Variants in PARD3 observed in about 807,000 individuals in gnomAD.
The protein encoded by PARD3 is partitioning defective 3 homolog.
Under a neutral mutation model 155.4 loss-of-function variants are expected in PARD3, and 75 were observed. The observed-to-expected ratio is 0.48, with a 90% CI of 0.40 to 0.58. PARD3 has a LOEUF of 0.58. PARD3 is among the 20% of genes least tolerant of loss of function. The pLI is 0.00. For missense variants in PARD3, 1,642 were observed against 1,721.7 expected (o/e 0.95, Z 0.82); for synonymous variants, 576 against 610.5 (o/e 0.94, Z 0.83).
At chr10:34,529,741 C>CT (rs34318724) in intron 2 of PARD3, among the ~76,000 whole-genome samples, 44,404 of 149,784 alleles carry the variant, frequency 0.3, 7,005 homozygotes, top group South Asian at 0.4. Context: ...TTTTACTTTA[C>CT]TTTTTTTTTT....
intron 1 of PARD3, among the ~76,000 whole-genome samples, chr10:34,744,594 GC>G (rs1835073007): frequency 6.6e-6 from 1 of 152,150 alleles, no homozygotes; most frequent in Admixed American, 6.6e-5. Flanking sequence ...AAATTACTTG[GC>G]TTTGATAACT....
In PARD3 at chr10:34,674,840, C is replaced by T. The variant is rs189267134; in HGVS notation, c.222+21478G>A. On this transcript the variant is annotated intron_variant, in intron 2 of 24. Coordinates refer to ENST00000374788, the MANE Select transcript of PARD3 (RefSeq NM_001184785.2). ...GCCAAGAACCTTCCCGGTCTAAGCC[C>T]AATTTTGGGGCTTACCTGCCCTGCA... Among the ~76,000 whole-genome samples, 1,401 of 152,212 alleles carry T rather than the reference C, an allele frequency of 9.2e-3. 9 individuals carry two copies. Among genetic ancestry groups the T allele is most frequent in the Non-Finnish European group, 0.014 (924 of 68,002 alleles).
chr10:34,645,098 T>A (rs1479002479), intron 2 of PARD3, among the ~76,000 whole-genome samples: 1 of 152,106 alleles, frequency 6.6e-6, no homozygotes, highest in Non-Finnish European at 1.5e-5. Flanking sequence ...AATGATCCTC[T>A]CGCCTTGGCC....
At chr10:34,345,766 C>T in intron 15 of PARD3, 2 of 985,390 alleles carry the variant, frequency 2.0e-6, no homozygotes, top group Non-Finnish European at 2.4e-6. Flanking sequence ...TTTGGGCATT[C>T]TCTTGCAAGG....
intron 2 of PARD3, among the ~76,000 whole-genome samples, chr10:34,586,540 TA>T (rs1352706493): frequency 6.6e-5 from 10 of 152,220 alleles, no homozygotes; most frequent in African/African-American, 2.4e-4. Context: ...AAGAACACTA[TA>T]GGGGGAAAAA....
chr10:34,162,497 TGTGA>T (rs1391401577), intron 22 of PARD3, among the ~76,000 whole-genome samples: 3 of 152,246 alleles, frequency 2.0e-5, no homozygotes, highest in Non-Finnish European at 4.4e-5. Context: ...CACATACACA[TGTGA>T]GTATGTATAT....
intron 3 of PARD3, among the ~76,000 whole-genome samples, chr10:34,493,309 T>A (rs2080042370): frequency 6.6e-6 from 1 of 152,196 alleles, no homozygotes; most frequent in African/African-American, 2.4e-5. Flanking sequence ...CTTCAATCAA[T>A]TCAAAAAAAT....
chr10:34,409,331 A>G (rs1844815836), intron 5 of PARD3, among the ~76,000 whole-genome samples: 1 of 152,140 alleles, frequency 6.6e-6, no homozygotes. Flanking sequence ...AAGTCTTCTC[A>G]TTGATTATTA....
At chr10:34,664,573 C>T (rs1455671575) in intron 2 of PARD3, among the ~76,000 whole-genome samples, 3 of 152,232 alleles carry the variant, frequency 2.0e-5, no homozygotes, top group East Asian at 1.9e-4. Context: ...GCAGCCTCTG[C>T]CTCCCGGGTT....
chr10:34,791,745 T>G (rs891502839), intron 1 of PARD3, among the ~76,000 whole-genome samples: 5 of 151,082 alleles, frequency 3.3e-5, no homozygotes, highest in African/African-American at 7.3e-5. Flanking sequence ...GTGGCAGAAG[T>G]GGGAGGACCA....
chr10:34,507,414 T>C (rs1002059280), intron 3 of PARD3, among the ~76,000 whole-genome samples: 1 of 151,618 alleles, frequency 6.6e-6, no homozygotes, highest in Admixed American at 6.6e-5. Context: ...TACTCCAATT[T>C]ATAAATAAAC....
chr10:34,487,247 A>G (rs2079539821), intron 3 of PARD3, among the ~76,000 whole-genome samples: 1 of 151,972 alleles, frequency 6.6e-6, no homozygotes, highest in Non-Finnish European at 1.5e-5. Context: ...GAGAAGTTTA[A>G]AAGGTTTCTA....
intron 3 of PARD3, among the ~76,000 whole-genome samples, chr10:34,482,785 AAAG>A (rs1222591002): frequency 6.6e-6 from 1 of 152,154 alleles, no homozygotes; most frequent in East Asian, 1.9e-4. Flanking sequence ...AGAGAAGAAA[AAAG>A]AAGCAAGTTA....
At chr10:34,393,148 C>G (rs1420724543) in intron 7 of PARD3, among the ~76,000 whole-genome samples, 5 of 124,090 alleles carry the variant, frequency 4.0e-5, no homozygotes, top group Admixed American at 3.5e-4. Flanking sequence ...GATACTAGAT[C>G]TTAAAAAAAA....
At chr10:34,651,101 G>T (rs1051176852) in intron 2 of PARD3, among the ~76,000 whole-genome samples, 3 of 146,444 alleles carry the variant, frequency 2.0e-5, no homozygotes, top group African/African-American at 7.5e-5. Context: ...GGTGGCGAAG[G>T]AATCACAGCC....
intron 4 of PARD3, among the ~76,000 whole-genome samples, chr10:34,458,531 A>G (rs2077453245): frequency 2.0e-5 from 3 of 152,124 alleles, no homozygotes; most frequent in Non-Finnish European, 4.4e-5. Flanking sequence ...CAAAGATCTG[A>G]TTAATTCCAG....
intron 2 of PARD3, among the ~76,000 whole-genome samples, chr10:34,534,478 G>GA (rs993076819): frequency 1.3e-5 from 2 of 152,118 alleles, no homozygotes; most frequent in African/African-American, 4.8e-5. Context: ...ACTAGTGGGT[G>GA]ACATTGAATG....
chr10:34,382,624 G>T lies in PARD3; in HGVS notation c.1315C>A (p.Pro439Thr). ...ACAGTCGTACTAAATACATTCTGAGGTGCCGAGGCTGGAGCGGATGGTGGT... is the reference window on the plus strand; with the variant it reads ...ACAGTCGTACTAAATACATTCTGAGTTGCCGAGGCTGGAGCGGATGGTGGT... ...GKPPSAPASAPQNVFSTTVSS... is the reference protein window; with the variant it reads ...GKPPSAPASATQNVFSTTVSS... Residue 439 changes from proline to threonine, a missense_variant, in exon 9 of 25, where the codon CCT becomes ACT. Pro to Thr is a conservative substitution (Grantham distance 38, BLOSUM62 -1). Coordinates refer to ENST00000374788, the MANE Select transcript of PARD3 (RefSeq NM_001184785.2). 1.2e-6 allele frequency: 2 copies of T among 1,614,036 alleles called. No homozygotes were observed. Among genetic ancestry groups the T allele is most frequent in the Non-Finnish European group, 1.7e-6 (2 of 1,180,004 alleles).
intron 10 of PARD3, 91 bp from the exon 11 acceptor site, chr10:34,375,093 C>G (rs1251434255): frequency 1.1e-6 from 1 of 911,304 alleles, no homozygotes. Flanking sequence ...CACACACACA[C>G]ACTCTAGGAC....
Sources: allele counts gnomAD v4.1 joint callset (sites outside exome capture counted in the v4.1 genomes callset), GRCh38; gene constraint gnomAD v4.1.1; transcripts MANE v1.5; gene names NCBI Gene and HGNC (gene_info 2026-07-23, HGNC 2026-07-21).